Variants in INTS14 observed in about 807,000 individuals in gnomAD.
The protein encoded by INTS14 is integrator complex subunit 14.
Under a neutral mutation model 56.9 loss-of-function variants are expected in INTS14, and 27 were observed. The observed-to-expected ratio is 0.47, with a 90% CI of 0.35 to 0.65. The LOEUF (loss-of-function observed/expected upper bound fraction) is 0.65, where lower values mean the gene tolerates loss of function less well. Among genes scored for constraint, INTS14 ranks in the 30% least tolerant of loss-of-function variants. INTS14 has a pLI of 0.00. For missense variants in INTS14, 517 were observed against 632.2 expected, an observed-to-expected ratio of 0.82 and a Z score of 1.95; for synonymous variants, 207 against 236.2, an observed-to-expected ratio of 0.88 and a Z score of 1.13.
rs779733775 is a variant in INTS14 at position 65,607,409 on chromosome 15, A to G, written c.-29T>C. The G allele has an allele frequency of 3.7e-6, 6 of 1,613,512 alleles. No individual in the cohort carries two copies. The highest frequency in any genetic ancestry group is 4.2e-6 in the Non-Finnish European group (5 of 1,179,614). The stretch of plus-strand genomic sequence containing the variant: ...GAAAATGATCCCAGTGTTCCCAATC[A>G]GAATGCAAACAGACAGCTATAAACG... On this transcript the variant is annotated 5_prime_UTR_variant, in exon 2 of 12. Transcript: ENST00000313182.
chr15:65,599,655 G>A, intron 4 of INTS14, 119 bp downstream of exon 4: 1 of 1,138,506 alleles, frequency 8.8e-7, no homozygotes, highest in Non-Finnish European at 1.2e-6. Context: ...AGCCTCAGCT[G>A]AAACCAATGG....
At chr15:65,594,710 G>A (rs961866848) in intron 7 of INTS14, among the ~76,000 whole-genome samples, 2 of 151,738 alleles carry the variant, frequency 1.3e-5, no homozygotes, top group Non-Finnish European at 2.9e-5. Flanking sequence ...CCACCTTCCC[G>A]TATTTTTCTT....
chr15:65,581,545 CTCA>C (rs2072616843), intron 11 of INTS14, among the ~76,000 whole-genome samples: 1 of 61,042 alleles, frequency 1.6e-5, no homozygotes, highest in African/African-American at 8.2e-5. Flanking sequence ...GTGACTCCAT[CTCA>C]AAAAAAAAAA....
chr15:65,597,983 CT>C (rs956909053), intron 6 of INTS14, among the ~76,000 whole-genome samples: 5 of 152,136 alleles, frequency 3.3e-5, no homozygotes, highest in African/African-American at 1.2e-4. Context: ...TGAGTATCCC[CT>C]ATCTGAAAAT....
chr15:65,602,569 G>C (rs1278831320), intron 3 of INTS14, among the ~76,000 whole-genome samples: 3 of 152,058 alleles, frequency 2.0e-5, no homozygotes, highest in African/African-American at 7.2e-5. Context: ...ACAGGCGTGA[G>C]CCGTCGCGCC....
intron 9 of INTS14, 56 bp downstream of exon 9, chr15:65,591,542 G>C: frequency 6.3e-7 from 1 of 1,588,110 alleles, no homozygotes. Flanking sequence ...CAGAGACATT[G>C]AGAACAGCAG....
chr15:65,589,803 TC>T (rs772850245), intron 9 of INTS14, among the ~76,000 whole-genome samples: 14 of 152,044 alleles, frequency 9.2e-5, no homozygotes, highest in Non-Finnish European at 1.5e-5. Flanking sequence ...CTGAGCAATC[TC>T]CCTCATTCTC....
intron 9 of INTS14, 97 bp from the exon 10 acceptor site, chr15:65,584,985 A>T: frequency 1.0e-6 from 1 of 991,850 alleles, no homozygotes. Context: ...TCAATCTTTG[A>T]TATCCTATCA....
chr15:65,608,157 C>G (rs1248662887), intron 1 of INTS14, among the ~76,000 whole-genome samples: 3 of 151,986 alleles, frequency 2.0e-5, no homozygotes, highest in South Asian at 2.1e-4. Context: ...GGGCGGATCT[C>G]TTGAGGTCAG....
intron 2 of INTS14, 51 bp from the exon 3 acceptor site, chr15:65,605,287 T>C (rs749244988): frequency 7.2e-7 from 1 of 1,386,576 alleles, no homozygotes; most frequent in African/African-American, 1.4e-5. Flanking sequence ...TTTAATTAGG[T>C]ATTAGAAAAC....
At chr15:65,595,908 C>A (rs1047918927) in intron 6 of INTS14, 83 bp from the exon 7 acceptor site, 5 of 1,078,438 alleles carry the variant, frequency 4.6e-6, no homozygotes, top group Non-Finnish European at 6.7e-6. Context: ...CACAAATGCA[C>A]TGTTTAGGTT....
At chr15:65,593,616 A>G (rs1336440043) in intron 7 of INTS14, 44 bp from the exon 8 acceptor site, 10 of 1,591,820 alleles carry the variant, frequency 6.3e-6, no homozygotes, top group Non-Finnish European at 8.5e-6. Context: ...ATTACCTACA[A>G]AAACCCCAAA....
At position 65,598,342 on chromosome 15, in the gene INTS14, T is replaced by C. The variant is rs765550602; in HGVS notation, c.727A>G (p.Ile243Val). ...PFVVDEEIDP[I>V]PKVINTDLEI... ...TTACCTGTGTTAATGACTTTAGGGA[T>C]AGGATCAATTTCTTCATCTACAACA... The change falls in exon 6 of 12, where the codon ATC becomes GTC. Residue 243 changes from isoleucine to valine, a missense_variant. Transcript: ENST00000313182. 12 of 1,613,992 alleles carry C rather than the reference T, an allele frequency of 7.4e-6. No individual in the cohort carries two copies. In the Admixed American group the frequency reaches 8.3e-5, roughly 11 times the overall value.
At chr15:65,597,453 G>A (rs2073254366) in intron 6 of INTS14, among the ~76,000 whole-genome samples, 1 of 152,170 alleles carries the variant, frequency 6.6e-6, no homozygotes, top group Non-Finnish European at 1.5e-5. Flanking sequence ...CCCACCAATA[G>A]GAAGCAAGTC....
intron 9 of INTS14, among the ~76,000 whole-genome samples, chr15:65,585,514 G>A (rs377205838): frequency 6.6e-6 from 1 of 152,156 alleles, no homozygotes; most frequent in Non-Finnish European, 1.5e-5. Flanking sequence ...TATTGGTGAA[G>A]CATACCCCAA....
intron 9 of INTS14, 53 bp from the exon 10 acceptor site, chr15:65,584,941 C>T (rs2072763387): frequency 6.9e-7 from 1 of 1,452,998 alleles, no homozygotes; most frequent in South Asian, 1.2e-5. Context: ...CAATCAGTTA[C>T]ATTTCCATTT....
chr15:65,579,726 C>T (rs2072518497), intron 11 of INTS14, 67 bp from the exon 12 acceptor site: 3 of 1,547,358 alleles, frequency 1.9e-6, no homozygotes, highest in Non-Finnish European at 2.6e-6. Flanking sequence ...TCTAAGTGCT[C>T]AGCTTAGCAT....
chr15:65,602,894 A>C (rs910498654), intron 3 of INTS14, among the ~76,000 whole-genome samples: 1 of 152,172 alleles, frequency 6.6e-6, no homozygotes, highest in African/African-American at 2.4e-5. Flanking sequence ...CGTTGTCTCA[A>C]ATTCAGATTC....
At chr15:65,588,197 G>C (rs1271020630) in intron 9 of INTS14, among the ~76,000 whole-genome samples, 1 of 151,996 alleles carries the variant, frequency 6.6e-6, no homozygotes, top group Non-Finnish European at 1.5e-5. Flanking sequence ...GCTGAGGCAC[G>C]AGAATTGCTT....
Sources: gnomAD v4.1 joint callset for allele counts (sites outside exome capture counted in the v4.1 genomes callset) on GRCh38, gnomAD v4.1.1 for gene constraint, MANE v1.5 for transcripts, NCBI Gene and HGNC (gene_info 2026-07-23, HGNC 2026-07-21) for gene names.